Variants in GLRB observed in about 807,000 individuals in gnomAD.
GLRB encodes the protein glycine receptor beta.
In GLRB, 33 loss-of-function variants were observed where a neutral mutation model predicts 54.2. The ratio of observed to expected loss-of-function variants is 0.61; its 90% CI spans 0.46 to 0.81. GLRB has a LOEUF of 0.81. Ranked by LOEUF, GLRB falls within the 40% of genes least tolerant of loss-of-function variation. GLRB has a pLI of 0.00. For synonymous variants in GLRB, 209 were observed against 208.2 expected, an observed-to-expected ratio of 1.00 and a Z score of -0.03; for missense variants, 572 against 584.6, an observed-to-expected ratio of 0.98 and a Z score of 0.22.
intron 8 of GLRB, among the ~76,000 whole-genome samples, chr4:157,150,437 A>C (rs1736977970): frequency 6.6e-6 from 1 of 152,002 alleles, no homozygotes; most frequent in Non-Finnish European, 1.5e-5. Context: ...TTTTCCCTCC[A>C]AAATCTATAA....
At chr4:157,132,131 T>C (rs2126556604) in intron 4 of GLRB, among the ~76,000 whole-genome samples, 1 of 152,034 alleles carries the variant, frequency 6.6e-6, no homozygotes, top group East Asian at 1.9e-4. Context: ...ATTGTTGTTT[T>C]AATTTGCATT....
At chr4:157,109,115 T>A (rs1735327949) in intron 2 of GLRB, among the ~76,000 whole-genome samples, 1 of 152,076 alleles carries the variant, frequency 6.6e-6, no homozygotes, top group African/African-American at 2.4e-5. Flanking sequence ...AACCAAAACA[T>A]TTGTATGACT....
chr4:157,152,688 C>T, intron 8 of GLRB, 30 bp from the exon 9 acceptor site: 1 of 1,595,086 alleles, frequency 6.3e-7, no homozygotes, highest in South Asian at 1.1e-5. Flanking sequence ...GGATAAAAAG[C>T]AACTTTCATT....
In GLRB at chr4:157,171,269, A is replaced by C. The variant is rs1737913069; in HGVS notation, c.*541A>C. ...GCTCTGTGGAGAAATAAAGTTCAAA[A>C]TATATTAATTTGTAAAATCAGCTCG... On this transcript the variant is annotated 3_prime_UTR_variant, in exon 10 of 10. Transcript: ENST00000264428. 1 of 152,276 alleles carries C rather than the reference A, an allele frequency of 6.6e-6. No homozygotes were observed. The highest frequency in any genetic ancestry group is 6.6e-5 in the Admixed American group (1 of 15,248). The allele number at this position is 152,276 out of a possible 1,614,324, so 9.4% of individuals were successfully genotyped here.
At chr4:157,094,322 G>C (rs1416547196) in intron 2 of GLRB, among the ~76,000 whole-genome samples, 3 of 152,104 alleles carry the variant, frequency 2.0e-5, no homozygotes, top group Non-Finnish European at 4.4e-5. Context: ...TTTTGTAACT[G>C]CTTCTTTTGC....
At chr4:157,128,829 G>T (rs947836497) in intron 4 of GLRB, among the ~76,000 whole-genome samples, 2 of 151,718 alleles carry the variant, frequency 1.3e-5, no homozygotes, top group Non-Finnish European at 2.9e-5. Context: ...CTGACTTGAG[G>T]CTAAATTTTA....
intron 2 of GLRB, among the ~76,000 whole-genome samples, chr4:157,091,142 A>G (rs1172651323): frequency 6.6e-6 from 1 of 152,174 alleles, no homozygotes; most frequent in Non-Finnish European, 1.5e-5. Flanking sequence ...ATCTCTACAT[A>G]TAACTACACT....
Position 157,085,374 on chromosome 4 carries a change from G to C in GLRB, c.122+7228G>C, listed in dbSNP as rs142033330. The stretch of plus-strand genomic sequence containing the variant: ...TCCTGCCTTGGCCTCCTAAAGTACA[G>C]AGATTCCAGGCATGAGCCACCATGC... On this transcript the variant is annotated intron_variant, in intron 2 of 9. Transcript: ENST00000264428. 1.5e-3 allele frequency among the ~76,000 whole-genome samples: 231 copies of C among 152,228 alleles called. 1 individual carries two copies. The highest frequency in any genetic ancestry group is 5.3e-3 in the African/African-American group (220 of 41,520).
chr4:157,079,434 TGA>T (rs1734150457), intron 2 of GLRB, among the ~76,000 whole-genome samples: 1 of 152,206 alleles, frequency 6.6e-6, no homozygotes, highest in African/African-American at 2.4e-5. Context: ...TATGAATTTG[TGA>T]GAGTAAAATT....
At chr4:157,089,383 C>T (rs983414808) in intron 2 of GLRB, among the ~76,000 whole-genome samples, 20 of 151,860 alleles carry the variant, frequency 1.3e-4, no homozygotes, top group Non-Finnish European at 1.5e-5. Context: ...CCAGCCTGGG[C>T]GACAGAGGGA....
intron 2 of GLRB, among the ~76,000 whole-genome samples, chr4:157,108,186 C>T (rs1241248854): frequency 6.6e-6 from 1 of 152,074 alleles, no homozygotes; most frequent in Non-Finnish European, 1.5e-5. Context: ...TGTTTTCATG[C>T]CTGCTAATAC....
chr4:157,161,919 A>G (rs976967376), intron 9 of GLRB, among the ~76,000 whole-genome samples: 1 of 152,188 alleles, frequency 6.6e-6, no homozygotes, highest in Non-Finnish European at 1.5e-5. Flanking sequence ...AATATCCTGC[A>G]GAGTGTTTTC....
At chr4:157,157,434 GCACCCCTTA>G (rs1454450431) in intron 9 of GLRB, among the ~76,000 whole-genome samples, 1 of 152,070 alleles carries the variant, frequency 6.6e-6, no homozygotes, top group African/African-American at 2.4e-5. Context: ...TTGGTGTGCT[GCACCCCTTA>G]ACTCATCATT....
In GLRB at chr4:157,127,963, G is replaced by A. The variant is rs141188951; in HGVS notation, c.297+5566G>A. 5.3e-5 allele frequency among the ~76,000 whole-genome samples: 8 copies of A among 151,976 alleles called. No homozygotes were observed. The East Asian group carries it at 1.4e-3, about 26-fold the overall frequency. The stretch of plus-strand genomic sequence containing the variant: ...GTGGCAATTGGAAACTAGTACATAT[G>A]CTGATGAGCATTTGTTAGTAATTTT... On this transcript the variant is annotated intron_variant, in intron 4 of 9. Coordinates refer to ENST00000264428, the MANE Select transcript of GLRB (RefSeq NM_000824.5).
At chr4:157,145,383 A>G (rs539408466) in intron 8 of GLRB, among the ~76,000 whole-genome samples, 2 of 152,334 alleles carry the variant, frequency 1.3e-5, no homozygotes, top group South Asian at 2.1e-4. Context: ...TGAAATGTCA[A>G]TAGGGATGAT....
intron 9 of GLRB, among the ~76,000 whole-genome samples, chr4:157,154,403 G>C: frequency 8.3e-6 from 1 of 120,864 alleles, no homozygotes; most frequent in South Asian, 2.8e-4. Context: ...TTTGGTTTTT[G>C]TTTCTCTATC....
chr4:157,092,839 T>A (rs898435663), intron 2 of GLRB, among the ~76,000 whole-genome samples: 1 of 152,222 alleles, frequency 6.6e-6, no homozygotes, highest in African/African-American at 2.4e-5. Flanking sequence ...TGAAGCTAAC[T>A]CTTTAGTTGT....
chr4:157,120,964 T>C (rs2126531397), intron 3 of GLRB, among the ~76,000 whole-genome samples: 1 of 151,746 alleles, frequency 6.6e-6, no homozygotes, highest in South Asian at 2.1e-4. Flanking sequence ...TTCTTAACCT[T>C]AGTGGTTTAA....
chr4:157,133,283 T>C (rs1736283112), intron 4 of GLRB, among the ~76,000 whole-genome samples: 1 of 151,874 alleles, frequency 6.6e-6, no homozygotes, highest in African/African-American at 2.4e-5. Context: ...AGAGTAACTG[T>C]GGACTAATTT....
Sources: gnomAD v4.1 joint callset for allele counts (sites outside exome capture counted in the v4.1 genomes callset) on GRCh38, gnomAD v4.1.1 for gene constraint, MANE v1.5 for transcripts, NCBI Gene and HGNC (gene_info 2026-07-23, HGNC 2026-07-21) for gene names.